MPZL1: variants seen among roughly 807,000 people sequenced by gnomAD.
The protein encoded by MPZL1 is myelin protein zero-like protein 1.
Under a neutral mutation model 29.3 loss-of-function variants are expected in MPZL1, and 16 were observed. That is an observed-to-expected ratio of 0.55 (90% CI 0.37 to 0.83). The LOEUF (loss-of-function observed/expected upper bound fraction) is 0.83, where lower values mean the gene tolerates loss of function less well. MPZL1 is among the 40% of genes least tolerant of loss of function. MPZL1 has a pLI of 0.00. For missense variants in MPZL1, 279 were observed against 332.9 expected (o/e 0.84, Z 1.26); for synonymous variants, 143 against 132.0 (o/e 1.08, Z -0.57).
rs777060983 is a variant in MPZL1 at position 167,772,511 on chromosome 1, AG to A, written c.472+24del. 3.2e-6 allele frequency: 5 copies of A among 1,583,148 alleles called. No individual in the cohort carries two copies. In the South Asian group the frequency reaches 4.5e-5, roughly 14 times the overall value. On this transcript the variant is annotated intron_variant, in intron 3 of 5. Transcript: ENST00000359523. ...AAGGTACTTCCTTGAGTATTTTGGC[AG>A]TAATAATGCAGTCTCCTTTATCTCA...
At chr1:167,731,540 C>G (rs894505385) in intron 1 of MPZL1, among the ~76,000 whole-genome samples, 1 of 151,196 alleles carries the variant, frequency 6.6e-6, no homozygotes, top group Non-Finnish European at 1.5e-5. Context: ...AGGTTCATGC[C>G]ATTCTCCTGC....
chr1:167,731,511 A>T (rs887026450), intron 1 of MPZL1, among the ~76,000 whole-genome samples: 1 of 141,380 alleles, frequency 7.1e-6, no homozygotes, highest in African/African-American at 2.7e-5. Context: ...ATCTCGGCTC[A>T]CTGCAAGCTT....
At chr1:167,751,979 A>G (rs1310085086) in intron 1 of MPZL1, among the ~76,000 whole-genome samples, 1 of 152,186 alleles carries the variant, frequency 6.6e-6, no homozygotes, top group Non-Finnish European at 1.5e-5. Flanking sequence ...ACTCAACCAA[A>G]AAGTCCACTG....
In MPZL1 at chr1:167,722,134, G is replaced by A; in HGVS notation, c.-18G>A. 1 of 1,234,932 alleles carries A rather than the reference G, an allele frequency of 8.1e-7. No individual in the cohort carries two copies. Among genetic ancestry groups the A allele is most frequent in the African/African-American group, 1.6e-5 (1 of 64,472 alleles). The allele number at this position is 1,234,932 out of a possible 1,614,324, so 76.5% of individuals were successfully genotyped here. A position where few individuals can be genotyped will look rare whatever the true frequency, so the allele number is the denominator to read the frequency against. On this transcript the variant is annotated 5_prime_UTR_variant, in exon 1 of 6. Coordinates refer to ENST00000359523, the MANE Select transcript of MPZL1 (RefSeq NM_003953.6). Reference sequence around the variant, plus strand: ...TCAGGGACGCGGCGGCGGCGGCGGCGACTGCAGTGGCTGGACGATGGCAGC... The same window carrying A: ...TCAGGGACGCGGCGGCGGCGGCGGCAACTGCAGTGGCTGGACGATGGCAGC...
intron 1 of MPZL1, among the ~76,000 whole-genome samples, chr1:167,761,708 G>A (rs75500744): frequency 7.2e-4 from 109 of 152,308 alleles, no homozygotes; most frequent in East Asian, 3.3e-3. Context: ...GTCCCTTTAA[G>A]GTTAGTGACC....
chr1:167,739,177 A>G (rs922273513), intron 1 of MPZL1, among the ~76,000 whole-genome samples: 1 of 151,212 alleles, frequency 6.6e-6, no homozygotes, highest in East Asian at 1.9e-4. Context: ...TCCTGACCTC[A>G]GGTTATCTGC....
chr1:167,776,203 C>A (rs551514276), intron 5 of MPZL1, 37 bp downstream of exon 5: 3 of 1,485,128 alleles, frequency 2.0e-6, no homozygotes, highest in Non-Finnish European at 2.8e-6. Context: ...CTGCACTGTT[C>A]CCTACAGCTT....
chr1:167,739,306 TATAC>T (rs1448344760), intron 1 of MPZL1, among the ~76,000 whole-genome samples: 11 of 106,216 alleles, frequency 1.0e-4, no homozygotes, highest in African/African-American at 4.0e-4. Flanking sequence ...TATATATATA[TATAC>T]ACATATATAT....
intron 4 of MPZL1, among the ~76,000 whole-genome samples, 151 bp from the exon 5 acceptor site, chr1:167,775,911 CAT>C (rs750755900): frequency 1.4e-4 from 21 of 152,288 alleles, no homozygotes; most frequent in African/African-American, 2.2e-4. Flanking sequence ...AGTTTAAAAA[CAT>C]GTGATCATTT....
At position 167,744,394 on chromosome 1, in the gene MPZL1, C is replaced by CA. The variant is rs775671786; in HGVS notation, c.92-21182dup. Among the ~76,000 whole-genome samples, 108 of 151,478 alleles carry CA rather than the reference C, an allele frequency of 7.1e-4. No homozygotes were observed. In the Middle Eastern group the frequency reaches 0.014, roughly 19 times the overall value. ...CAGAGTCTAAGTGTTCTTTAAAAAC[C>CA]AAAAAAAGGCCGGGCACAGTGGCTC... On this transcript the variant is annotated intron_variant, in intron 1 of 5. Coordinates refer to ENST00000359523, the MANE Select transcript of MPZL1 (RefSeq NM_003953.6).
At chr1:167,731,407 T>G (rs1018925855) in intron 1 of MPZL1, among the ~76,000 whole-genome samples, 1 of 150,650 alleles carries the variant, frequency 6.6e-6, no homozygotes, top group African/African-American at 2.4e-5. Flanking sequence ...ACTGCACTTT[T>G]GCCTGGGCGA....
Position 167,724,189 on chromosome 1 carries a change from G to A in MPZL1, c.91+1947G>A, listed in dbSNP as rs368891317. ...CTACTGGAGGAAGGGAGTTTAAACTGGGTAGGCATGGGGGAGGGGCAGAAG... is the reference window on the plus strand; with the variant it reads ...CTACTGGAGGAAGGGAGTTTAAACTAGGTAGGCATGGGGGAGGGGCAGAAG... On this transcript the variant is annotated intron_variant, in intron 1 of 5. Coordinates refer to ENST00000359523, the MANE Select transcript of MPZL1 (RefSeq NM_003953.6). Among the ~76,000 whole-genome samples the A allele has an allele frequency of 5.9e-5, 9 of 152,176 alleles. No homozygotes were observed. In the East Asian group the frequency reaches 7.7e-4, roughly 13 times the overall value.
chr1:167,730,563 G>T (rs1036573629), intron 1 of MPZL1, among the ~76,000 whole-genome samples: 3 of 152,186 alleles, frequency 2.0e-5, no homozygotes, highest in African/African-American at 7.2e-5. Context: ...ACAGGTATGA[G>T]CCACCATGTC....
chr1:167,766,704 C>T (rs1346217580), intron 2 of MPZL1, among the ~76,000 whole-genome samples: 1 of 152,102 alleles, frequency 6.6e-6, no homozygotes, highest in Non-Finnish European at 1.5e-5. Context: ...CCATCATATG[C>T]CTATGCCATT....
At chr1:167,734,941 C>A (rs1221553650) in intron 1 of MPZL1, among the ~76,000 whole-genome samples, 1 of 152,230 alleles carries the variant, frequency 6.6e-6, no homozygotes, top group Non-Finnish European at 1.5e-5. Context: ...AATGCCCTCA[C>A]TTTAGTAGCA....
chr1:167,738,307 C>A (rs888205659), intron 1 of MPZL1, among the ~76,000 whole-genome samples: 3 of 152,018 alleles, frequency 2.0e-5, no homozygotes, highest in Non-Finnish European at 4.4e-5. Context: ...ATATTTAGTA[C>A]GCTAATGTTG....
Position 167,747,693 on chromosome 1 carries a change from A to G in MPZL1, c.92-17890A>G, listed in dbSNP as rs1444604711. Among the ~76,000 whole-genome samples the G allele has an allele frequency of 2.6e-5, 4 of 152,106 alleles. No individual in the cohort carries two copies. In the East Asian group the frequency reaches 5.8e-4, roughly 22 times the overall value. On this transcript the variant is annotated intron_variant, in intron 1 of 5. Transcript: ENST00000359523. The stretch of plus-strand genomic sequence containing the variant: ...ATTTTATGGAGATGTGAGCAAATCT[A>G]TAAGTGATAGCATCTCATACACATG...
At chr1:167,755,368 G>A in intron 1 of MPZL1, among the ~76,000 whole-genome samples, 1 of 152,060 alleles carries the variant, frequency 6.6e-6, no homozygotes, top group Non-Finnish European at 1.5e-5. Context: ...AGATTTGAGA[G>A]CCCAGAAAGA....
rs547738602 is a variant in MPZL1 at position 167,790,358 on chromosome 1, A to C, written c.*2437A>C. 1 of 152,398 alleles carries C rather than the reference A, an allele frequency of 6.6e-6. No individual in the cohort carries two copies. The highest frequency in any genetic ancestry group is 2.4e-5 in the African/African-American group (1 of 41,576). 9.4% of individuals were successfully genotyped at this position (152,398 alleles called of 1,614,324 possible). On this transcript the variant is annotated 3_prime_UTR_variant, in exon 6 of 6. Coordinates refer to ENST00000359523, the MANE Select transcript of MPZL1 (RefSeq NM_003953.6). ...CAGTGCCCTGGCATTCTGGCAGAGA[A>C]TCCTCACCAGTTCTCACCAACCTTC...
Sources: gnomAD v4.1 joint callset for allele counts (sites outside exome capture counted in the v4.1 genomes callset) on GRCh38, gnomAD v4.1.1 for gene constraint, MANE v1.5 for transcripts, NCBI Gene and HGNC (gene_info 2026-07-23, HGNC 2026-07-21) for gene names.